Variants in ADGRB2 observed in about 807,000 individuals in gnomAD.
ADGRB2 encodes the protein brain-specific angiogenesis inhibitor 2.
In ADGRB2, 47 loss-of-function variants were observed where a neutral mutation model predicts 178.7. That is an observed-to-expected ratio of 0.26 (90% CI 0.21 to 0.34). The LOEUF is 0.34. Among genes scored for constraint, ADGRB2 ranks in the 10% least tolerant of loss-of-function variants. ADGRB2 has a pLI of 1.00. For synonymous variants in ADGRB2, 870 were observed against 912.4 expected, an observed-to-expected ratio of 0.95 and a Z score of 0.84; for missense variants, 1,584 against 2,180.8, an observed-to-expected ratio of 0.73 and a Z score of 5.45.
In ADGRB2 at chr1:31,738,233, G is replaced by C. The variant is rs1368943966; in HGVS notation, c.2739C>G (p.Thr913=). The change falls in exon 18 of 33, where the codon ACC becomes ACG. Residue 913 remains threonine, a synonymous_variant. Coordinates refer to ENST00000373658, the MANE Select transcript of ADGRB2 (RefSeq NM_001364857.2). ...HTRCQCQHLS[T]FAVLAQPPKD... The stretch of plus-strand genomic sequence containing the variant: ...TGGGCGGCTGGGCTAGTACAGCAAA[G>C]GTGGACAGGTGCTGGCACTGGCAGC... 9 of 1,614,026 alleles carry C rather than the reference G, an allele frequency of 5.6e-6. No homozygotes were observed. In the Admixed American group the frequency reaches 1.2e-4, roughly 21 times the overall value.
At position 31,730,871 on chromosome 1, in the gene ADGRB2, CG is replaced by C; in HGVS notation, c.4308del (p.Glu1437SerfsTer18). On this transcript the variant is annotated frameshift_variant, in exon 29 of 33. Coordinates refer to ENST00000373658, the MANE Select transcript of ADGRB2 (RefSeq NM_001364857.2). LOFTEE classifies it high-confidence loss of function. ...PPPTPSARQVPEPGERSRTMP... is the reference protein window; with the variant it reads ...PPPTPSARQVXEPGERSRTMP... Reference sequence around the variant, plus strand: ...ATGGTCCGGCTGCGCTCCCCTGGCTCGGGCACTTGGCGGGCGCTGGGTGTCG... The same window carrying C: ...ATGGTCCGGCTGCGCTCCCCTGGCTCGGCACTTGGCGGGCGCTGGGTGTCG... The C allele has an allele frequency of 6.4e-7, 1 of 1,561,242 alleles. No homozygotes were observed. Among genetic ancestry groups the C allele is most frequent in the Non-Finnish European group, 8.7e-7 (1 of 1,154,806 alleles).
Position 31,764,179 on chromosome 1 carries a change from C to CCGCGCCG in ADGRB2, c.-493_-487dup, listed in dbSNP as rs745749126. On this transcript the variant is annotated 5_prime_UTR_variant, in exon 1 of 33. Transcript: ENST00000373658. This position sits in a 1 kb window ranked among gnomAD's most constrained non-coding sequence, Gnocchi z 7.3. ...CCCGCTCCCCCGCCCCGAGCACCGCCCGCGCCGCGCGCCGCCTCCTATTTG... is the reference window on the plus strand; with the variant it reads ...CCCGCTCCCCCGCCCCGAGCACCGCCCGCGCCGCGCGCCGCGCGCCGCCTCCTATTTG... The CCGCGCCG allele has an allele frequency of 2.9e-4, 134 of 458,178 alleles. No homozygotes were observed. The highest frequency in any genetic ancestry group is 2.6e-3 in the African/African-American group (118 of 46,012). 28.4% of individuals were successfully genotyped at this position (458,178 alleles called of 1,614,324 possible).
At position 31,740,252 on chromosome 1, in the gene ADGRB2, T is replaced by G; in HGVS notation, c.1990-74A>C. 1 of 1,608,680 alleles carries G rather than the reference T, an allele frequency of 6.2e-7. No homozygotes were observed. The highest frequency in any genetic ancestry group is 8.5e-7 in the Non-Finnish European group (1 of 1,176,808). ...GGGGCTTCCCCCACTATAGCCACAC[T>G]TGCCGCCTCTACAGCAGACTCTGCC... On this transcript the variant is annotated intron_variant, in intron 12 of 32. Coordinates refer to ENST00000373658, the MANE Select transcript of ADGRB2 (RefSeq NM_001364857.2). This position sits in a 1 kb window ranked among gnomAD's most constrained non-coding sequence, Gnocchi z 5.9.
chr1:31,738,384 T>G, intron 17 of ADGRB2, 58 bp from the exon 18 acceptor site: 4 of 1,603,060 alleles, frequency 2.5e-6, no homozygotes, highest in African/African-American at 2.8e-5. Flanking sequence ...CTGCCCCCAG[T>G]CCTGGCCACT....
intron 29 of ADGRB2, among the ~76,000 whole-genome samples, chr1:31,730,279 T>C (rs1645210991): frequency 6.6e-6 from 1 of 152,216 alleles, no homozygotes; most frequent in Non-Finnish European, 1.5e-5. Flanking sequence ...CTGCAGCTGA[T>C]TTCAGGGGTG....
At chr1:31,729,489 AC>A (rs1485470672) in intron 29 of ADGRB2, among the ~76,000 whole-genome samples, 1 of 151,934 alleles carries the variant, frequency 6.6e-6, no homozygotes, top group Non-Finnish European at 1.5e-5. Flanking sequence ...CTGCCCCGGC[AC>A]CTTCTCCTGC....
In ADGRB2 at chr1:31,736,740, T is replaced by G. The variant is rs370784373; in HGVS notation, c.2980-17A>C. ...GCACACGCCCTGCAGGGAGAGGGAATGGGAGGGAGTGGCCCTGAGCAGCCG... is the reference window on the plus strand; with the variant it reads ...GCACACGCCCTGCAGGGAGAGGGAAGGGGAGGGAGTGGCCCTGAGCAGCCG... On this transcript the variant is annotated splice_polypyrimidine_tract_variant and intron_variant, in intron 20 of 32. Transcript: ENST00000373658. 1.2e-6 allele frequency: 2 copies of G among 1,611,162 alleles called. No individual in the cohort carries two copies. The highest frequency in any genetic ancestry group is 1.7e-6 in the Non-Finnish European group (2 of 1,178,592).
In ADGRB2 at chr1:31,728,847, C is replaced by CACACGT. The variant is rs1553179328; in HGVS notation, c.4381-215_4381-214insACGTGT. Among the ~76,000 whole-genome samples the CACACGT allele has an allele frequency of 1.7e-4, 25 of 149,532 alleles. No homozygotes were observed. Among genetic ancestry groups the CACACGT allele is most frequent in the Non-Finnish European group, 2.5e-4 (17 of 67,612 alleles). On this transcript the variant is annotated intron_variant, in intron 29 of 32. Coordinates refer to ENST00000373658, the MANE Select transcript of ADGRB2 (RefSeq NM_001364857.2). This position sits in a 1 kb window ranked among gnomAD's most constrained non-coding sequence, Gnocchi z 6.7. ...ACACACACACACACACACACACACA[C>CACACGT]GTCAAATGGCATGGTGCGGACTTCC...
chr1:31,734,894 T>C (rs889790626), intron 25 of ADGRB2, among the ~76,000 whole-genome samples: 26 of 152,148 alleles, frequency 1.7e-4, no homozygotes, highest in African/African-American at 5.8e-4. Flanking sequence ...CCTCTGTAGG[T>C]TGGGGGTGTG....
intron 4 of ADGRB2, among the ~76,000 whole-genome samples, chr1:31,745,418 G>A (rs1403010424): frequency 6.6e-6 from 1 of 152,134 alleles, no homozygotes; most frequent in African/African-American, 2.4e-5. Flanking sequence ...TGCTCGAGGA[G>A]GCCAGGCTAC....
Position 31,759,780 on chromosome 1 carries a change from TG to T in ADGRB2, c.-190-2270del, listed in dbSNP as rs975224839. Among the ~76,000 whole-genome samples the T allele has an allele frequency of 2.6e-5, 4 of 152,116 alleles. No homozygotes were observed. Among genetic ancestry groups the T allele is most frequent in the African/African-American group, 4.8e-5 (2 of 41,416 alleles). The stretch of plus-strand genomic sequence containing the variant: ...CTGTGTATAGCCAGGCCTGTCCTCC[TG>T]GGGGCACTGATGACCCAGAGGCCTC... On this transcript the variant is annotated intron_variant, in intron 1 of 32. Coordinates refer to ENST00000373658, the MANE Select transcript of ADGRB2 (RefSeq NM_001364857.2). This position sits in a 1 kb window ranked among gnomAD's most constrained non-coding sequence, Gnocchi z 4.3.
At chr1:31,738,437 G>A (rs892134255) in intron 17 of ADGRB2, 111 bp from the exon 18 acceptor site, 18 of 1,548,644 alleles carry the variant, frequency 1.2e-5, no homozygotes, top group Non-Finnish European at 1.4e-5. Flanking sequence ...ACATCCACGA[G>A]GCAACAGCAG....
chr1:31,735,564 G>C lies in ADGRB2; in HGVS notation c.3353+16C>G. 1 of 1,613,220 alleles carries C rather than the reference G, an allele frequency of 6.2e-7. No individual in the cohort carries two copies. Among genetic ancestry groups the C allele is most frequent in the Non-Finnish European group, 8.5e-7 (1 of 1,179,276 alleles). The stretch of plus-strand genomic sequence containing the variant: ...CCATTTCCAGAAAGGCCAAGTCTCA[G>C]AGGCCCCCCCCTTACCCGGCCCTCT... On this transcript the variant is annotated intron_variant, in intron 24 of 32. Coordinates refer to ENST00000373658, the MANE Select transcript of ADGRB2 (RefSeq NM_001364857.2). This position sits in a 1 kb window ranked among gnomAD's most constrained non-coding sequence, Gnocchi z 6.0.
chr1:31,762,506 A>G (rs530968128), intron 1 of ADGRB2, among the ~76,000 whole-genome samples: 1 of 152,328 alleles, frequency 6.6e-6, no homozygotes, highest in Admixed American at 6.5e-5. Context: ...ACCAAGCACA[A>G]ACAAGCCCAA....
At position 31,738,567 on chromosome 1, in the gene ADGRB2, A is replaced by G; in HGVS notation, c.2645+20T>C. 1 of 1,602,028 alleles carries G rather than the reference A, an allele frequency of 6.2e-7. No homozygotes were observed. Among genetic ancestry groups the G allele is most frequent in the Non-Finnish European group, 8.5e-7 (1 of 1,173,928 alleles). The stretch of plus-strand genomic sequence containing the variant: ...CCTAGGGCTGCTCCCTTCCTCACCC[A>G]GAGGAGCCACCCAACTCACGCTCTG... On this transcript the variant is annotated intron_variant, in intron 17 of 32. Transcript: ENST00000373658.
At chr1:31,739,837 G>A (rs1645836911) in intron 14 of ADGRB2, 89 bp downstream of exon 14, 9 of 1,326,244 alleles carry the variant, frequency 6.8e-6, no homozygotes, top group Non-Finnish European at 4.3e-6. Flanking sequence ...TGGACAGAAA[G>A]ATACAAATAC....
At position 31,742,319 on chromosome 1, in the gene ADGRB2, ATT is replaced by A. The variant is rs1646021099; in HGVS notation, c.1253-104_1253-103del. 9 of 1,475,438 alleles carry A rather than the reference ATT, an allele frequency of 6.1e-6. No homozygotes were observed. In the South Asian group the frequency reaches 1.2e-4, roughly 20 times the overall value. The allele number at this position is 1,475,438 out of a possible 1,614,324, so 91.4% of individuals were successfully genotyped here. On this transcript the variant is annotated intron_variant, in intron 7 of 32. Transcript: ENST00000373658. ...GACCCAGAGCCTGCTAGGCATTCAG[ATT>A]TGAGCCAGGCCAGACCCACTGGAGT...
In ADGRB2 at chr1:31,742,109, G is replaced by A. The variant is rs1646006577; in HGVS notation, c.1361C>T (p.Ala454Val). The A allele has an allele frequency of 1.2e-6, 2 of 1,613,036 alleles. No individual in the cohort carries two copies. The highest frequency in any genetic ancestry group is 1.7e-5 in the Admixed American group (1 of 59,946). Residue 454 changes from alanine to valine, a missense_variant, in exon 8 of 33, where the codon GCC becomes GTC. By Grantham distance (64) the Ala-to-Val change is moderately conservative. Transcript: ENST00000373658. ...GTCAGTGAGGGCACCCGTGCATGTG[G>A]CCCAGGCTGGGCCCGCCACGCTGCA... ...RKCSVAGPAW[A>V]TCTGALTDTR...
In ADGRB2 at chr1:31,731,005, G is replaced by A; in HGVS notation, c.4175C>T (p.Thr1392Ile). Residue 1392 changes from threonine (T) to isoleucine (I), a missense_variant, in exon 29 of 33, where the codon ACT (threonine) becomes ATT (isoleucine). Around this residue, in one of 3 missense-constraint regions of ADGRB2, gnomAD observed 865 missense variants for 1,192.8 expected, o/e 0.73. Transcript: ENST00000373658. Reference sequence around the variant, plus strand: ...GGACAGGAAGCTGGGGTAGCCTTCAGTGTGGGCCACTGTCTTGGCAGCTCG... The same window carrying A: ...GGACAGGAAGCTGGGGTAGCCTTCAATGTGGGCCACTGTCTTGGCAGCTCG... Reference protein sequence around the residue: ...PRRAAKTVAHTEGYPSFLSVD... With the variant: ...PRRAAKTVAHIEGYPSFLSVD... 6.3e-7 allele frequency: 1 copy of A among 1,577,416 alleles called. No individual in the cohort carries two copies. The highest frequency in any genetic ancestry group is 1.2e-5 in the South Asian group (1 of 86,072).
Sources: allele counts gnomAD v4.1 joint callset (sites outside exome capture counted in the v4.1 genomes callset), GRCh38; gene constraint gnomAD v4.1.1; regional missense constraint gnomAD v4.1.1; non-coding constraint Gnocchi (gnomAD v3.1); transcripts MANE v1.5; gene names NCBI Gene and HGNC (gene_info 2026-07-23, HGNC 2026-07-21).